The following TPRX1 variants were observed in gnomAD, a reference collection of about 807,000 sequenced individuals.
TPRX1 encodes the protein tetrapeptide repeat homeobox 1.
TPRX1 carries 2 observed loss-of-function variants against 8.1 expected under a neutral mutation model. The observed-to-expected ratio is 0.25, with a 90% CI of 0.10 to 0.78. TPRX1 has a LOEUF of 0.78. Ranked by LOEUF, TPRX1 falls within the 30% of genes least tolerant of loss-of-function variation. The pLI, the probability that TPRX1 is intolerant of heterozygous loss-of-function variation, is 0.70. For missense variants in TPRX1, 517 were observed against 586.9 expected (o/e 0.88, Z 1.23); for synonymous variants, 257 against 254.1 (o/e 1.01, Z -0.11).
chr19:47,802,852 G>C, exon 4 of TPRX1: 1 of 1,600,678 alleles, frequency 6.2e-7, no homozygotes, highest in Non-Finnish European at 8.5e-7. Context: ...GCTGAGGTGC[G>C]GAGGCAGAGG....
intron 2 of TPRX1, among the ~76,000 whole-genome samples, chr19:47,806,930 C>T (rs1206548030): frequency 6.6e-6 from 1 of 151,912 alleles, no homozygotes; most frequent in African/African-American, 2.4e-5. Flanking sequence ...GAGATGGCGT[C>T]TTGCCCTGTC....
Position 47,805,029 on chromosome 19 carries a change from G to C in TPRX1, c.152-1356C>G, listed in dbSNP as rs143506088. 6.4e-3 allele frequency among the ~76,000 whole-genome samples: 980 copies of C among 152,284 alleles called. 12 individuals are homozygous for C. The highest frequency in any genetic ancestry group is 0.023 in the African/African-American group (945 of 41,568). On this transcript the variant is annotated intron_variant, in intron 2 of 3. Coordinates refer to ENST00000535759, the Ensembl canonical transcript of TPRX1. ...CTATCCCTCCTTCCTGGATGACCTT[G>C]CAACCTCCTCTTTGGTACCTCAAGG...
chr19:47,810,394 G>C (rs374623599), intron 2 of TPRX1, among the ~76,000 whole-genome samples: 2 of 128,878 alleles, frequency 1.6e-5, no homozygotes, highest in African/African-American at 2.9e-5. Context: ...TGTCGCCCAG[G>C]CTGGAGTGCA....
At chr19:47,817,873 G>A (rs891979980) in intron 2 of TPRX1, among the ~76,000 whole-genome samples, 1 of 152,216 alleles carries the variant, frequency 6.6e-6, no homozygotes, top group Non-Finnish European at 1.5e-5. Flanking sequence ...CATGTTCAGG[G>A]CCCTCCCTTG....
chr19:47,803,285 G>C (rs1419637377), intron 3 of TPRX1, among the ~76,000 whole-genome samples: 1 of 151,888 alleles, frequency 6.6e-6, no homozygotes, highest in African/African-American at 2.4e-5. Flanking sequence ...TCCGGGCACC[G>C]GGAGACCCCG....
chr19:47,802,199 C>T (rs1005526920), exon 4 of TPRX1: 3 of 1,610,970 alleles, frequency 1.9e-6, no homozygotes, highest in Middle Eastern at 1.7e-4. Context: ...CTGGGCTGGG[C>T]TGGGAATCGG....
At chr19:47,818,021 A>T (rs1356670776) in intron 2 of TPRX1, among the ~76,000 whole-genome samples, 1 of 152,202 alleles carries the variant, frequency 6.6e-6, no homozygotes, top group Non-Finnish European at 1.5e-5. Flanking sequence ...AGCCTGAATG[A>T]ATTAACTCAG....
Position 47,812,289 on chromosome 19 carries a change from G to A in TPRX1, c.151+6179C>T, listed in dbSNP as rs1341615059. ...CTCGTTGTTCAAGTGGGGGAAGGCA[G>A]GCGTTACTCAAAGAATCACAGAATA... On this transcript the variant is annotated intron_variant, in intron 2 of 3. Transcript: ENST00000535759. Among the ~76,000 whole-genome samples, 4 of 152,256 alleles carry A rather than the reference G, an allele frequency of 2.6e-5. No individual in the cohort carries two copies. In the East Asian group the frequency reaches 5.8e-4, roughly 22 times the overall value.
intron 2 of TPRX1, among the ~76,000 whole-genome samples, chr19:47,806,942 C>T (rs529892505): frequency 4.6e-5 from 7 of 152,150 alleles, no homozygotes; most frequent in Non-Finnish European, 1.0e-4. Flanking sequence ...TGCCCTGTCA[C>T]CCAGGCTGGA....
intron 2 of TPRX1, among the ~76,000 whole-genome samples, chr19:47,817,992 G>T (rs757905203): frequency 6.6e-6 from 1 of 152,162 alleles, no homozygotes; most frequent in Non-Finnish European, 1.5e-5. Flanking sequence ...GTAGAAGCAG[G>T]GATTCATGGC....
At chr19:47,815,161 TA>T (rs199814051) in intron 2 of TPRX1, among the ~76,000 whole-genome samples, 890 of 85,440 alleles carry the variant, frequency 0.01, 42 homozygotes, top group African/African-American at 0.042. Context: ...TATATATATA[TA>T]TTTTTTTTTT....
chr19:47,815,237 C>T (rs1302440382), intron 2 of TPRX1, among the ~76,000 whole-genome samples: 4 of 137,934 alleles, frequency 2.9e-5, no homozygotes, highest in African/African-American at 5.4e-5. Context: ...TCACTGCAAC[C>T]TCCGCCTCCC....
intron 2 of TPRX1, among the ~76,000 whole-genome samples, chr19:47,811,916 G>T (rs1249900697): frequency 1.3e-5 from 2 of 151,164 alleles, no homozygotes; most frequent in African/African-American, 4.9e-5. Flanking sequence ...GCCCAGGCTG[G>T]AGTGCAATGG....
chr19:47,815,986 G>A (rs1967836367), intron 2 of TPRX1, among the ~76,000 whole-genome samples: 1 of 152,032 alleles, frequency 6.6e-6, no homozygotes, highest in African/African-American at 2.4e-5. Context: ...TGGGTCATGT[G>A]TAGCGGGGTA....
At chr19:47,816,541 T>G (rs566797820) in intron 2 of TPRX1, among the ~76,000 whole-genome samples, 38 of 147,808 alleles carry the variant, frequency 2.6e-4, no homozygotes, top group Non-Finnish European at 4.8e-4. Context: ...TTTTTTTTTT[T>G]TTTTTTTTTG....
exon 4 of TPRX1, chr19:47,802,503 G>C: frequency 2.6e-6 from 4 of 1,548,090 alleles, no homozygotes; most frequent in Non-Finnish European, 3.5e-6. Context: ...CCTGAGAATG[G>C]GCCTGAGATT....
intron 2 of TPRX1, among the ~76,000 whole-genome samples, chr19:47,809,662 A>G (rs1029107128): frequency 3.3e-5 from 5 of 152,266 alleles, no homozygotes; most frequent in East Asian, 1.9e-4. Flanking sequence ...TATTTTCTCT[A>G]TTTCCTGCTG....
intron 2 of TPRX1, among the ~76,000 whole-genome samples, chr19:47,810,346 T>G (rs1179548053): frequency 8.2e-6 from 1 of 122,400 alleles, no homozygotes; most frequent in East Asian, 2.2e-4. Flanking sequence ...ATCCATCAAT[T>G]TTTTTTTTTT....
At chr19:47,808,023 G>A (rs1351763237) in intron 2 of TPRX1, among the ~76,000 whole-genome samples, 11 of 152,086 alleles carry the variant, frequency 7.2e-5, no homozygotes, top group Non-Finnish European at 1.5e-5. Context: ...TCGAACTCTG[G>A]GGTTTAAGCG....
Sources: allele counts gnomAD v4.1 joint callset (sites outside exome capture counted in the v4.1 genomes callset), GRCh38; gene constraint gnomAD v4.1.1; transcripts MANE v1.5; gene names NCBI Gene and HGNC (gene_info 2026-07-23, HGNC 2026-07-21).